The following RHBDD1 variants were observed in gnomAD, a reference collection of about 807,000 sequenced individuals.
The protein encoded by RHBDD1 is rhomboid domain containing 1.
A neutral mutation model predicts 36.3 loss-of-function variants in RHBDD1; 38 were observed. The observed-to-expected ratio is 1.05, with a 90% CI of 0.81 to 1.37. The LOEUF (loss-of-function observed/expected upper bound fraction) is 1.37, where lower values mean the gene tolerates loss of function less well. Ranked by LOEUF, RHBDD1 falls within the 40% of genes most tolerant of loss-of-function variation. The pLI is 0.00. For synonymous variants in RHBDD1, 151 were observed against 136.5 expected (o/e 1.11, Z -0.74); for missense variants, 393 against 377.6 (o/e 1.04, Z -0.34).
chr2:226,921,959 T>C (rs1402902697), intron 8 of RHBDD1, among the ~76,000 whole-genome samples: 2 of 152,148 alleles, frequency 1.3e-5, no homozygotes, highest in African/African-American at 4.8e-5. Context: ...ATTATTGTAT[T>C]GGGATCGATC....
chr2:226,824,365 C>T, the RHBDD1 span, among the ~76,000 whole-genome samples: 1 of 151,858 alleles, frequency 6.6e-6, no homozygotes, highest in African/African-American at 2.4e-5. Context: ...ATCCTCAAAA[C>T]TTAAGAAAAA....
Position 226,998,624 on chromosome 2 carries a change from ACT to A in RHBDD1, c.*3106_*3107del, listed in dbSNP as rs1420661425. 4 of 151,722 alleles carry A rather than the reference ACT, an allele frequency of 2.6e-5. No individual in the cohort carries two copies. Among genetic ancestry groups the A allele is most frequent in the Non-Finnish European group, 2.9e-5 (2 of 67,918 alleles). The allele number at this position is 151,722 out of a possible 1,614,324, so 9.4% of individuals were successfully genotyped here. ...CTAGTATTTTATTTTAGAATCACAG[ACT>A]CTCAGCTTAGAGAGTCACAGTATCT... On this transcript the variant is annotated 3_prime_UTR_variant, in exon 9 of 9. Transcript: ENST00000392062.
intron 8 of RHBDD1, among the ~76,000 whole-genome samples, chr2:226,948,820 G>A (rs1226645729): frequency 6.6e-6 from 1 of 152,056 alleles, no homozygotes; most frequent in Non-Finnish European, 1.5e-5. Context: ...AAGAAATAAA[G>A]GGCATTCAAA....
At chr2:226,825,875 C>A in the RHBDD1 span, among the ~76,000 whole-genome samples, 2 of 152,174 alleles carry the variant, frequency 1.3e-5, no homozygotes, top group Non-Finnish European at 2.9e-5. Flanking sequence ...GCCTCACATG[C>A]AGCAGTCACT....
At chr2:226,962,701 G>A (rs956751051) in intron 8 of RHBDD1, among the ~76,000 whole-genome samples, 1 of 152,180 alleles carries the variant, frequency 6.6e-6, no homozygotes, top group Non-Finnish European at 1.5e-5. Context: ...ATGAGAAAAG[G>A]CAGACAAGGG....
At chr2:226,843,884 G>A (rs1356384850) in intron 3 of RHBDD1, among the ~76,000 whole-genome samples, 2 of 152,156 alleles carry the variant, frequency 1.3e-5, no homozygotes, top group African/African-American at 4.8e-5. Context: ...ATAGAATTCA[G>A]CTGTGAATCC....
At chr2:226,950,410 G>A (rs1213533296) in intron 8 of RHBDD1, among the ~76,000 whole-genome samples, 3 of 152,202 alleles carry the variant, frequency 2.0e-5, no homozygotes, top group Non-Finnish European at 4.4e-5. Flanking sequence ...AGTATTCATT[G>A]TGTATATGTT....
chr2:226,944,132 A>G (rs1324787525), intron 8 of RHBDD1, among the ~76,000 whole-genome samples: 7 of 152,308 alleles, frequency 4.6e-5, no homozygotes, highest in South Asian at 2.1e-4. Context: ...GGCAGATTCA[A>G]TCTAAACCAA....
chr2:226,842,288 G>C (rs570749632), intron 3 of RHBDD1, among the ~76,000 whole-genome samples: 1 of 152,188 alleles, frequency 6.6e-6, no homozygotes, highest in Admixed American at 6.5e-5. Flanking sequence ...AAGCTCTTTA[G>C]TTTAATCAGG....
chr2:226,925,146 G>A (rs952315879), intron 8 of RHBDD1, among the ~76,000 whole-genome samples: 2 of 152,180 alleles, frequency 1.3e-5, no homozygotes, highest in African/African-American at 4.8e-5. Flanking sequence ...CTGCTGATAT[G>A]AATGCAAATT....
At chr2:226,934,633 T>G (rs1444001595) in intron 8 of RHBDD1, among the ~76,000 whole-genome samples, 1 of 152,108 alleles carries the variant, frequency 6.6e-6, no homozygotes, top group Non-Finnish European at 1.5e-5. Flanking sequence ...TCAAGGGGCT[T>G]GAACATTTAC....
intron 3 of RHBDD1, among the ~76,000 whole-genome samples, chr2:226,842,803 A>G (rs1941806454): frequency 6.6e-6 from 1 of 151,974 alleles, no homozygotes; most frequent in Non-Finnish European, 1.5e-5. Flanking sequence ...TTTTATCTAA[A>G]TCTGCGAACA....
At chr2:226,839,731 A>AG (rs964142038) in intron 3 of RHBDD1, 104 bp downstream of exon 3, 4 of 150,800 alleles carry the variant, frequency 2.7e-5, no homozygotes, top group African/African-American at 7.3e-5. Flanking sequence ...ATTATTGAGA[A>AG]AAAAAAAAAC....
chr2:226,868,940 C>T (rs906341334), intron 5 of RHBDD1, among the ~76,000 whole-genome samples: 12 of 152,202 alleles, frequency 7.9e-5, no homozygotes, highest in South Asian at 2.1e-4. Flanking sequence ...TCACTCACTG[C>T]TCCCCTGACT....
chr2:226,908,825 GT>G lies in RHBDD1; in HGVS notation c.664del (p.Ser222ProfsTer47). The G allele has an allele frequency of 6.2e-7, 1 of 1,604,748 alleles. No individual in the cohort carries two copies. Among genetic ancestry groups the G allele is most frequent in the Non-Finnish European group, 8.5e-7 (1 of 1,171,520 alleles). On this transcript the variant is annotated frameshift_variant, in exon 7 of 9. Coordinates refer to ENST00000392062, the MANE Select transcript of RHBDD1 (RefSeq NM_001167608.3). LOFTEE classifies it high-confidence loss of function. ...LKKIMEACAGGFSSSVGYPGR... is the reference protein window; with the variant it reads ...LKKIMEACAGXFSSSVGYPGR... The stretch of plus-strand genomic sequence containing the variant: ...TGTTTATTTCTTTTACGTTTAGGCG[GT>G]TTTTCCTCCAGTGTTGGTTACCCAG...
intron 8 of RHBDD1, among the ~76,000 whole-genome samples, chr2:226,983,619 CT>C (rs902238515): frequency 6.6e-6 from 1 of 151,486 alleles, no homozygotes; most frequent in African/African-American, 2.4e-5. Flanking sequence ...ACTGGCTTGT[CT>C]TTTTTTTTCC....
chr2:226,942,984 A>G (rs1488562835), intron 8 of RHBDD1, among the ~76,000 whole-genome samples: 1 of 152,166 alleles, frequency 6.6e-6, no homozygotes. Context: ...CTCTTAAACA[A>G]TCTTACAGTT....
chr2:226,810,660 C>A, the RHBDD1 span, among the ~76,000 whole-genome samples: 1 of 151,006 alleles, frequency 6.6e-6, no homozygotes, highest in Non-Finnish European at 1.5e-5. Flanking sequence ...TCATCATTTC[C>A]AGATTGAGTA....
At chr2:226,965,800 C>T (rs889629791) in intron 8 of RHBDD1, among the ~76,000 whole-genome samples, 2 of 151,918 alleles carry the variant, frequency 1.3e-5, no homozygotes. Context: ...AGAGGAGACC[C>T]AGAGCCAGTA....
Sources: allele counts gnomAD v4.1 joint callset (sites outside exome capture counted in the v4.1 genomes callset), GRCh38; gene constraint gnomAD v4.1.1; transcripts MANE v1.5; gene names NCBI Gene and HGNC (gene_info 2026-07-23, HGNC 2026-07-21).